NDUFB9: variants seen among roughly 807,000 people sequenced by gnomAD.
NDUFB9 encodes the protein NADH:ubiquinone oxidoreductase subunit B9.
In NDUFB9, 24 loss-of-function variants were observed where a neutral mutation model predicts 30.2. That is an observed-to-expected ratio of 0.80 (90% CI 0.58 to 1.12). The LOEUF is 1.12. NDUFB9 is among the 50% of genes most tolerant of loss of function. The pLI is 0.00. For missense variants in NDUFB9, 204 were observed against 226.0 expected (o/e 0.90, Z 0.62); for synonymous variants, 80 against 84.0 (o/e 0.95, Z 0.26).
At chr8:124,542,801 T>A in intron 1 of NDUFB9, 1 of 357,810 alleles carries the variant, frequency 2.8e-6, no homozygotes, top group Non-Finnish European at 4.8e-6. Flanking sequence ...TTGCGAATGC[T>A]CTTTTCTTTT....
rs190220477 is a variant in NDUFB9 at position 124,540,936 on chromosome 8, G to A, written c.101+1649G>A. On this transcript the variant is annotated intron_variant, in intron 1 of 3. Coordinates refer to ENST00000276689, the MANE Select transcript of NDUFB9 (RefSeq NM_005005.3). ...TATAATCCCAGTACTTTGGGAGGCT[G>A]AGGTGAGTGGATCACCTGAGGCCAG... Among the ~76,000 whole-genome samples, 7 of 152,338 alleles carry A rather than the reference G, an allele frequency of 4.6e-5. No individual in the cohort carries two copies. The East Asian group carries it at 1.3e-3, about 29-fold the overall frequency.
At chr8:124,544,201 T>A (rs959095281) in intron 2 of NDUFB9, among the ~76,000 whole-genome samples, 5 of 152,192 alleles carry the variant, frequency 3.3e-5, no homozygotes, top group Non-Finnish European at 7.3e-5. Flanking sequence ...TAACTCTTCA[T>A]TTCTATGAAG....
At chr8:124,543,395 G>A in intron 2 of NDUFB9, 116 bp downstream of exon 2, 1 of 1,068,136 alleles carries the variant, frequency 9.4e-7, no homozygotes, top group Non-Finnish European at 1.4e-6. Context: ...CTTATTTCCT[G>A]ACAGTTGTCA....
intron 1 of NDUFB9, among the ~76,000 whole-genome samples, chr8:124,541,919 G>GT (rs1466610262): frequency 1.5e-4 from 22 of 147,620 alleles, no homozygotes; most frequent in Middle Eastern, 7.6e-3. Context: ...TGTTGTTGTT[G>GT]TTGTTTTTTT....
Position 124,542,917 on chromosome 8 carries a change from T to G in NDUFB9, c.102-170T>G, listed in dbSNP as rs555558239. ...ACAGTATTTTTTTGCTGCTGCTGTT[T>G]GGTGGGCTGTAGAGGAAGCAGCCAT... On this transcript the variant is annotated intron_variant, in intron 1 of 3. Transcript: ENST00000276689. 76 of 662,144 alleles carry G rather than the reference T, an allele frequency of 1.1e-4. No homozygotes were observed. In the African/African-American group the frequency reaches 1.2e-3, roughly 10 times the overall value. The allele number at this position is 662,144 out of a possible 1,614,324, so 41.0% of individuals were successfully genotyped here.
chr8:124,549,896 G>T lies in NDUFB9; in HGVS notation c.*4G>T. 1 of 1,614,152 alleles carries T rather than the reference G, an allele frequency of 6.2e-7. No individual in the cohort carries two copies. The highest frequency in any genetic ancestry group is 1.1e-5 in the South Asian group (1 of 91,082). On this transcript the variant is annotated 3_prime_UTR_variant, in exon 4 of 4. Coordinates refer to ENST00000276689, the MANE Select transcript of NDUFB9 (RefSeq NM_005005.3). ...ACCCCGGGAGCGGCCCATGTAGAAA[G>T]AGAGAGACCTCATCTTTCATGCTTG...
At chr8:124,543,403 T>A in intron 2 of NDUFB9, 124 bp downstream of exon 2, 1 of 933,046 alleles carries the variant, frequency 1.1e-6, no homozygotes, top group East Asian at 2.6e-5. Flanking sequence ...CTGACAGTTG[T>A]CAGATGCAGG....
At chr8:124,542,215 C>G (rs1238270690) in intron 1 of NDUFB9, among the ~76,000 whole-genome samples, 1 of 152,140 alleles carries the variant, frequency 6.6e-6, no homozygotes, top group Non-Finnish European at 1.5e-5. Context: ...CATGCCCGGC[C>G]TCATTTTTGT....
At position 124,543,159 on chromosome 8, in the gene NDUFB9, G is replaced by A. The variant is rs1344199544; in HGVS notation, c.174G>A (p.Ala58=). Residue 58 remains alanine (A), a synonymous_variant, in exon 2 of 4, where the codon GCG becomes GCA. Coordinates refer to ENST00000276689, the MANE Select transcript of NDUFB9 (RefSeq NM_005005.3). ...AACATAAGAATGAAAAGGATATGGC[G>A]AAGGCCACCCAGCTGCTGAAGGAGG... is the stretch of plus-strand genomic sequence containing the variant. The part of the protein sequence containing the change: ...FEEHKNEKDM[A]KATQLLKEAE... 6.2e-6 allele frequency: 10 copies of A among 1,614,076 alleles called. No individual in the cohort carries two copies. The highest frequency in any genetic ancestry group is 1.6e-4 in the Middle Eastern group (1 of 6,082).
rs969831185 is a variant in NDUFB9 at position 124,548,185 on chromosome 8, G to A, written c.408+1072G>A. Among the ~76,000 whole-genome samples the A allele has an allele frequency of 1.5e-4, 23 of 152,288 alleles. No individual in the cohort carries two copies. The East Asian group carries it at 4.4e-3, about 29-fold the overall frequency. ...ATGTCAGAAGCCAACTTCAGATGTG[G>A]AAATCTGGAACTCCCAGGAGAGATT... On this transcript the variant is annotated intron_variant, in intron 3 of 3. Coordinates refer to ENST00000276689, the MANE Select transcript of NDUFB9 (RefSeq NM_005005.3).
rs1471774505 is a variant in NDUFB9, at chr8:124,539,454, C to T, written c.101+167C>T. ...ACCCGGGTTCAAATCCAGGCTTCGC[C>T]ACTTATGGCCGGGAGACCTTGTAGA... On this transcript the variant is annotated intron_variant, in intron 1 of 3. Transcript: ENST00000276689. The T allele has an allele frequency of 9.2e-6, 6 of 654,452 alleles. No homozygotes were observed. In the East Asian group the frequency reaches 1.7e-4, roughly 18 times the overall value. 40.5% of individuals were successfully genotyped at this position (654,452 alleles called of 1,614,324 possible).
chr8:124,547,210 A>T (rs1206391820), intron 3 of NDUFB9, 97 bp downstream of exon 3: 1 of 878,286 alleles, frequency 1.1e-6, no homozygotes, highest in Non-Finnish European at 1.9e-6. Flanking sequence ...CATGACAGTT[A>T]CTCTGGGCCC....
Position 124,539,302 on chromosome 8 carries a change from C to G in NDUFB9, c.101+15C>G. On this transcript the variant is annotated intron_variant, in intron 1 of 3. Coordinates refer to ENST00000276689, the MANE Select transcript of NDUFB9 (RefSeq NM_005005.3). ...TGCGTCCAGAGGTAAGGGATGGGGA[C>G]CCAGGACTCGGGGAGGTGACCCTCG... 6.2e-6 allele frequency: 10 copies of G among 1,613,512 alleles called. No individual in the cohort carries two copies. Among genetic ancestry groups the G allele is most frequent in the Non-Finnish European group, 8.5e-6 (10 of 1,179,480 alleles).
intron 1 of NDUFB9, 98 bp downstream of exon 1, chr8:124,539,385 C>A: frequency 9.0e-7 from 1 of 1,105,670 alleles, no homozygotes; most frequent in Non-Finnish European, 1.4e-6. Flanking sequence ...ACTTCGGGAA[C>A]GGAATTGGAA....
At chr8:124,549,338 ATGAAC>A (rs1222442012) in intron 3 of NDUFB9, among the ~76,000 whole-genome samples, 1 of 152,196 alleles carries the variant, frequency 6.6e-6, no homozygotes, top group African/African-American at 2.4e-5. Context: ...CCAGCATATT[ATGAAC>A]TGAGGTTTCT....
intron 2 of NDUFB9, 197 bp from the exon 3 acceptor site, chr8:124,546,803 T>C: frequency 1.6e-6 from 1 of 620,252 alleles, no homozygotes; most frequent in Non-Finnish European, 2.9e-6. Flanking sequence ...GCACAGTCTT[T>C]GACTCTAAGG....
At chr8:124,539,654 C>T (rs1586708008) in intron 1 of NDUFB9, among the ~76,000 whole-genome samples, 1 of 152,188 alleles carries the variant, frequency 6.6e-6, no homozygotes, top group African/African-American at 2.4e-5. Context: ...CCAATATTAA[C>T]AGCAATAAAC....
rs1471245383 is a variant in NDUFB9 at position 124,539,222 on chromosome 8, T to A, written c.36T>A (p.His12Gln). The part of the protein sequence containing the change: ...AFLASGPYLT[H>Q]QQKVLRLYKR... ...TGGCGTCGGGACCCTACCTGACCCA[T>A]CAGCAAAAGGTGTTGCGGCTTTATA... Residue 12 changes from histidine (H) to glutamine (Q), a missense_variant, in exon 1 of 4, where the codon CAT (histidine) becomes CAA (glutamine). Physicochemically the swap from His to Gln is conservative, Grantham distance 24. Coordinates refer to ENST00000276689, the MANE Select transcript of NDUFB9 (RefSeq NM_005005.3). 6.2e-7 allele frequency: 1 copy of A among 1,614,184 alleles called. No individual in the cohort carries two copies. The highest frequency in any genetic ancestry group is 1.1e-5 in the South Asian group (1 of 91,088).
At chr8:124,549,669 A>G (rs754363364) in intron 3 of NDUFB9, 92 bp from the exon 4 acceptor site, 6 of 1,204,630 alleles carry the variant, frequency 5.0e-6, no homozygotes, top group African/African-American at 3.0e-5. Flanking sequence ...GTGACACACC[A>G]TAGACATAAA....
Sources: gnomAD v4.1 joint callset for allele counts (sites outside exome capture counted in the v4.1 genomes callset) on GRCh38, gnomAD v4.1.1 for gene constraint, MANE v1.5 for transcripts, NCBI Gene and HGNC (gene_info 2026-07-23, HGNC 2026-07-21) for gene names.